Variants in SUCLG2 observed in about 807,000 individuals in gnomAD.
SUCLG2 encodes the protein succinate--CoA ligase [GDP-forming] subunit beta, mitochondrial.
SUCLG2 carries 42 observed loss-of-function variants against 47.9 expected under a neutral mutation model. The observed-to-expected ratio is 0.88, with a 90% CI of 0.69 to 1.14. SUCLG2 has a LOEUF of 1.14. SUCLG2 is among the 50% of genes most tolerant of loss of function. SUCLG2 has a pLI of 0.00. For synonymous variants in SUCLG2, 195 were observed against 197.3 expected (o/e 0.99, Z 0.10); for missense variants, 571 against 525.9 (o/e 1.09, Z -0.84).
chr3:67,518,385 G>A (rs750260934), intron 5 of SUCLG2, 49 bp from the exon 6 acceptor site: 1 of 1,529,946 alleles, frequency 6.5e-7, no homozygotes, highest in Non-Finnish European at 9.0e-7. Context: ...CAACTGAGAA[G>A]ATTTACAACC....
intron 9 of SUCLG2, among the ~76,000 whole-genome samples, chr3:67,455,918 G>T (rs546665964): frequency 2.0e-5 from 3 of 152,154 alleles, no homozygotes; most frequent in South Asian, 4.2e-4. Flanking sequence ...TGTGCCCAAG[G>T]CTCTTCAAAT....
intron 10 of SUCLG2, among the ~76,000 whole-genome samples, chr3:67,389,726 T>C (rs1419393712): frequency 2.0e-5 from 3 of 152,116 alleles, no homozygotes; most frequent in Non-Finnish European, 4.4e-5. Context: ...ACAGAGCAAG[T>C]CTTCATTTGT....
intron 2 of SUCLG2, among the ~76,000 whole-genome samples, chr3:67,599,959 C>G (rs189158341): frequency 6.6e-6 from 1 of 152,172 alleles, no homozygotes; most frequent in African/African-American, 2.4e-5. Context: ...AGCCTTAGTA[C>G]TATTTATGAA....
At chr3:67,406,098 C>G (rs76260039) in intron 9 of SUCLG2, among the ~76,000 whole-genome samples, 82 of 152,228 alleles carry the variant, frequency 5.4e-4, no homozygotes, top group African/African-American at 1.7e-3. Flanking sequence ...TTACCTACCC[C>G]CCTTTCGCAG....
chr3:67,520,659 A>G, intron 4 of SUCLG2, 25 bp from the exon 5 acceptor site: 1 of 1,591,228 alleles, frequency 6.3e-7, no homozygotes, highest in Middle Eastern at 1.7e-4. Flanking sequence ...GGAAAGTCAA[A>G]TTAATTCAGC....
chr3:67,546,968 TTCC>T (rs1314350302), intron 2 of SUCLG2, among the ~76,000 whole-genome samples: 4 of 152,182 alleles, frequency 2.6e-5, no homozygotes, highest in Non-Finnish European at 5.9e-5. Context: ...TATAAGTCTA[TTCC>T]TCCTATCCAC....
intron 1 of SUCLG2, among the ~76,000 whole-genome samples, chr3:67,624,596 GAAAAACACATGCCA>G (rs892467941): frequency 2.0e-5 from 3 of 151,990 alleles, no homozygotes; most frequent in African/African-American, 7.3e-5. Flanking sequence ...TTATAAAAAA[GAAAAACACATGCCA>G]AATTTTTCCA....
chr3:67,595,865 G>C (rs1447235365), intron 2 of SUCLG2, among the ~76,000 whole-genome samples: 2 of 152,228 alleles, frequency 1.3e-5, no homozygotes. Context: ...GAGAGCATAA[G>C]TAAATGAAAG....
chr3:67,531,049 T>C (rs886303055), intron 2 of SUCLG2, among the ~76,000 whole-genome samples: 2 of 152,218 alleles, frequency 1.3e-5, no homozygotes, highest in Non-Finnish European at 2.9e-5. Context: ...CATGCCCTTC[T>C]GTAAAGTAGT....
At chr3:67,394,900 G>C (rs569653407) in intron 10 of SUCLG2, among the ~76,000 whole-genome samples, 2 of 152,166 alleles carry the variant, frequency 1.3e-5, no homozygotes, top group African/African-American at 4.8e-5. Context: ...TTTCAACCCA[G>C]AATTTCATAT....
At chr3:67,624,923 G>C (rs898589832) in intron 1 of SUCLG2, among the ~76,000 whole-genome samples, 4 of 152,170 alleles carry the variant, frequency 2.6e-5, no homozygotes, top group Non-Finnish European at 5.9e-5. Context: ...AAAGACCTCA[G>C]AAAAGTACAC....
intron 10 of SUCLG2, among the ~76,000 whole-genome samples, chr3:67,383,015 C>T (rs1236535908): frequency 1.3e-5 from 2 of 152,264 alleles, no homozygotes; most frequent in African/African-American, 2.4e-5. Flanking sequence ...GTCTCTTTTG[C>T]CTTGTTACTT....
At chr3:67,479,764 T>C (rs540819921) in intron 9 of SUCLG2, among the ~76,000 whole-genome samples, 1 of 152,238 alleles carries the variant, frequency 6.6e-6, no homozygotes, top group Non-Finnish European at 1.5e-5. Context: ...CAAGATGAGG[T>C]AATTTCATAA....
intron 6 of SUCLG2, among the ~76,000 whole-genome samples, chr3:67,516,291 G>A (rs12489287): frequency 0.11 from 16,681 of 152,100 alleles, 1,282 homozygotes; most frequent in East Asian, 0.22. Context: ...TCACATATTC[G>A]TCTTCCTTCC....
chr3:67,558,347 A>C (rs1263733563), intron 2 of SUCLG2, among the ~76,000 whole-genome samples: 1 of 151,588 alleles, frequency 6.6e-6, no homozygotes, highest in Non-Finnish European at 1.5e-5. Context: ...AAAAAAAAAA[A>C]ATACGGTTTA....
chr3:67,602,494 T>A (rs1188411302), intron 2 of SUCLG2, among the ~76,000 whole-genome samples: 1 of 152,138 alleles, frequency 6.6e-6, no homozygotes, highest in East Asian at 1.9e-4. Flanking sequence ...AGGGAAAAGA[T>A]ATTCTAGCAC....
chr3:67,386,087 CTTTA>C (rs990137880), intron 10 of SUCLG2, among the ~76,000 whole-genome samples: 4 of 151,974 alleles, frequency 2.6e-5, no homozygotes, highest in East Asian at 1.9e-4. Context: ...GTAACAGACA[CTTTA>C]TTTATTTATT....
Position 67,497,280 on chromosome 3 carries a change from A to G in SUCLG2, c.919+854T>C, listed in dbSNP as rs189613836. 3.5e-3 allele frequency among the ~76,000 whole-genome samples: 531 copies of G among 152,294 alleles called. 4 individuals carry two copies. Among genetic ancestry groups the G allele is most frequent in the African/African-American group, 0.012 (512 of 41,576 alleles). On this transcript the variant is annotated intron_variant, in intron 8 of 10. Coordinates refer to ENST00000307227, the MANE Select transcript of SUCLG2 (RefSeq NM_003848.4). ...AATGATATTGCTGGTTTAATGAGCT[A>G]CAAATCATTTTTATTTTAATTCCAT...
chr3:67,484,867 A>T (rs1259033236), intron 9 of SUCLG2, among the ~76,000 whole-genome samples: 1 of 152,198 alleles, frequency 6.6e-6, no homozygotes, highest in Non-Finnish European at 1.5e-5. Context: ...AAAGACAGAA[A>T]GTTTGGTGGG....
Sources: allele counts gnomAD v4.1 joint callset (sites outside exome capture counted in the v4.1 genomes callset), GRCh38; gene constraint gnomAD v4.1.1; transcripts MANE v1.5; gene names NCBI Gene and HGNC (gene_info 2026-07-23, HGNC 2026-07-21).